Variants in SYNE3 observed in about 807,000 individuals in gnomAD.
SYNE3 encodes spectrin repeat containing nuclear envelope family member 3.
Under a neutral mutation model 111.2 loss-of-function variants are expected in SYNE3, and 100 were observed. The ratio of observed to expected loss-of-function variants is 0.90; its 90% CI spans 0.77 to 1.06. The LOEUF is 1.06. Among genes scored for constraint, SYNE3 ranks in the 50% least tolerant of loss-of-function variants. The pLI is 0.00. For synonymous variants in SYNE3, 547 were observed against 533.9 expected (o/e 1.02, Z -0.34); for missense variants, 1,160 against 1,240.3 (o/e 0.94, Z 0.97).
chr14:95,467,868 C>T lies in SYNE3; in HGVS notation c.244G>A (p.Gly82Arg), dbSNP rs146970314. Residue 82 changes from glycine to arginine, a missense_variant, in exon 3 of 18, where the codon GGG becomes AGG. Gly to Arg is a moderately radical substitution (Grantham distance 125). Transcript: ENST00000682763. ...LACCPGDQKPGILARLKDIKA... is the reference protein window; with the variant it reads ...LACCPGDQKPRILARLKDIKA... ...ATGTCCTTCAGCCGGGCCAGGATCCCGGGCTTCTGGTCCCCAGGGCAGCAT... is the reference window on the plus strand; with the variant it reads ...ATGTCCTTCAGCCGGGCCAGGATCCTGGGCTTCTGGTCCCCAGGGCAGCAT... The T allele has an allele frequency of 3.0e-5, 48 of 1,614,102 alleles. No homozygotes were observed. The highest frequency in any genetic ancestry group is 3.8e-5 in the Non-Finnish European group (45 of 1,180,050).
At chr14:95,420,632 C>T (rs117847255) in intron 17 of SYNE3, among the ~76,000 whole-genome samples, 2,878 of 152,160 alleles carry the variant, frequency 0.019, 53 homozygotes, top group Non-Finnish European at 0.029. Flanking sequence ...GACCTCACGT[C>T]CTCACTTAGA....
chr14:95,441,257 T>C (rs1886399474), intron 11 of SYNE3, among the ~76,000 whole-genome samples: 1 of 152,194 alleles, frequency 6.6e-6, no homozygotes, highest in Non-Finnish European at 1.5e-5. Flanking sequence ...GCTGCCTCTG[T>C]CCTCAGTGAG....
rs1052398820 is a variant in SYNE3, at chr14:95,453,889, T to C, written c.1137+1488A>G. Among the ~76,000 whole-genome samples, 38 of 152,222 alleles carry C rather than the reference T, an allele frequency of 2.5e-4. 1 individual carries two copies. Among genetic ancestry groups the C allele is most frequent in the African/African-American group, 9.2e-4 (38 of 41,456 alleles). On this transcript the variant is annotated intron_variant, in intron 6 of 17. Coordinates refer to ENST00000682763, the MANE Select transcript of SYNE3 (RefSeq NM_152592.6). ...AAGCATGACCTTTTTCTAGGCTCAG[T>C]TCCCTCCTTGTAAAATAAGACCACA...
intron 4 of SYNE3, among the ~76,000 whole-genome samples, chr14:95,459,746 C>G (rs142108259): frequency 6.6e-6 from 1 of 152,200 alleles, no homozygotes; most frequent in Non-Finnish European, 1.5e-5. Flanking sequence ...GAAAACATCC[C>G]GATTTTAGAA....
intron 11 of SYNE3, among the ~76,000 whole-genome samples, chr14:95,440,654 G>C (rs745751437): frequency 1.3e-5 from 2 of 152,240 alleles, no homozygotes; most frequent in African/African-American, 2.4e-5. Flanking sequence ...CCATCATCTG[G>C]AGAGCTAAAG....
rs1388201106 is a variant in SYNE3 at position 95,439,177 on chromosome 14, T to A, written c.2247-15A>T. The A allele has an allele frequency of 6.2e-7, 1 of 1,613,924 alleles. No homozygotes were observed. The highest frequency in any genetic ancestry group is 8.5e-7 in the Non-Finnish European group (1 of 1,179,976). On this transcript the variant is annotated splice_polypyrimidine_tract_variant and intron_variant, in intron 13 of 17. Coordinates refer to ENST00000682763, the MANE Select transcript of SYNE3 (RefSeq NM_152592.6). Reference sequence around the variant, plus strand: ...TTCTGATGAGGCTGAGAAGACAAACTCAGCCCAGTCAATGCAGAGATGTGG... The same window carrying A: ...TTCTGATGAGGCTGAGAAGACAAACACAGCCCAGTCAATGCAGAGATGTGG...
In SYNE3 at chr14:95,436,906, G is replaced by A. The variant is rs1170556868; in HGVS notation, c.2452C>T (p.Gln818Ter). Residue 818 changes from glutamine to a stop codon, truncating the protein, a stop_gained, in exon 15 of 18, where the codon CAG (glutamine) becomes TAG (stop). Transcript: ENST00000682763. LOFTEE classifies it high-confidence loss of function. The stretch of plus-strand genomic sequence containing the variant: ...CTAACCAGCTTGGAGTTTTCCACCT[G>A]CAACCACTGCCCAAAGTTCCTCAGG... The part of the protein sequence containing the change: ...QLLRNFGQWL[Q>*]VENSKLVRII... 6.2e-7 allele frequency: 1 copy of A among 1,614,178 alleles called. No homozygotes were observed. The highest frequency in any genetic ancestry group is 2.2e-5 in the East Asian group (1 of 44,876).
chr14:95,467,776 A>G lies in SYNE3; in HGVS notation c.317+19T>C, dbSNP rs766464223. 3.1e-6 allele frequency: 5 copies of G among 1,613,606 alleles called. No homozygotes were observed. The highest frequency in any genetic ancestry group is 1.7e-6 in the Non-Finnish European group (2 of 1,179,842). ...GGAGGGTAAATGGCAGCTGTGGACA[A>G]AGGCCCTGGATGCCCTACCTGTGAC... On this transcript the variant is annotated intron_variant, in intron 3 of 17. Transcript: ENST00000682763.
chr14:95,466,287 C>T (rs1289225543), intron 3 of SYNE3, 47 bp from the exon 4 acceptor site: 4 of 1,523,960 alleles, frequency 2.6e-6, no homozygotes, highest in Non-Finnish European at 3.5e-6. Flanking sequence ...AGCCACCTGC[C>T]TCCTGGGTCG....
intron 11 of SYNE3, among the ~76,000 whole-genome samples, chr14:95,442,263 C>T (rs1167863091): frequency 6.6e-6 from 1 of 152,206 alleles, no homozygotes; most frequent in Admixed American, 6.5e-5. Context: ...CACGTTCTGA[C>T]CACCTCCTTA....
Position 95,446,058 on chromosome 14 carries a change from G to A in SYNE3, c.1483C>T (p.Leu495=). Residue 495 remains leucine (L), a synonymous_variant, in exon 9 of 18, where the codon CTG becomes TTG. Coordinates refer to ENST00000682763, the MANE Select transcript of SYNE3 (RefSeq NM_152592.6). Reference sequence around the variant, plus strand: ...TTCTTCAGCTGCAGCATCGTCAGCAGCTCTTTCAGGCGGGAGCTTTCCATC... The same window carrying A: ...TTCTTCAGCTGCAGCATCGTCAGCAACTCTTTCAGGCGGGAGCTTTCCATC... ...ALMESSRLKE[L]LTMLQLKKDL... is the part of the protein sequence containing the mutation. 5 of 1,614,112 alleles carry A rather than the reference G, an allele frequency of 3.1e-6. No homozygotes were observed. The highest frequency in any genetic ancestry group is 4.2e-6 in the Non-Finnish European group (5 of 1,180,024).
intron 3 of SYNE3, among the ~76,000 whole-genome samples, chr14:95,467,321 G>A (rs1184078829): frequency 6.6e-6 from 1 of 152,118 alleles, no homozygotes; most frequent in Admixed American, 6.5e-5. Flanking sequence ...CCATTGTCCA[G>A]AGAGGTGCTT....
chr14:95,443,568 A>G, intron 10 of SYNE3: 1 of 383,350 alleles, frequency 2.6e-6, no homozygotes, highest in Non-Finnish European at 4.6e-6. Flanking sequence ...ACAAACTCAC[A>G]TTGGGACTCA....
At chr14:95,489,459 C>T (rs1252907452) in intron 1 of SYNE3, among the ~76,000 whole-genome samples, 3 of 152,236 alleles carry the variant, frequency 2.0e-5, no homozygotes, top group Non-Finnish European at 2.9e-5. Context: ...ACATAAACTG[C>T]CTCTGGGCAC....
chr14:95,459,666 T>C (rs1887670804), intron 4 of SYNE3, among the ~76,000 whole-genome samples: 1 of 152,140 alleles, frequency 6.6e-6, no homozygotes, highest in African/African-American at 2.4e-5. Context: ...TTTTTCTTCT[T>C]TGGGAAGCTC....
rs1566675680 is a variant in SYNE3, at chr14:95,470,994, A to AG, written c.145-3028_145-3027insC. ...CACGCCGTCTCAGGAAAAAAAAAAA[A>AG]AGAAAGTAAGATGATATTTCTGATT... On this transcript the variant is annotated intron_variant, in intron 2 of 17. Coordinates refer to ENST00000682763, the MANE Select transcript of SYNE3 (RefSeq NM_152592.6). This position sits in a 1 kb window ranked among gnomAD's most constrained non-coding sequence, Gnocchi z 4.2. Among the ~76,000 whole-genome samples the AG allele has an allele frequency of 6.8e-6, 1 of 147,076 alleles. No individual in the cohort carries two copies. The highest frequency in any genetic ancestry group is 2.5e-5 in the African/African-American group (1 of 40,606).
Position 95,438,654 on chromosome 14 carries a change from T to C in SYNE3, c.2376+379A>G, listed in dbSNP as rs145127232. ...GAGGCAGTAAGGGATGGATGAAACA[T>C]GGCAGAAAAGTTTTCCCATCTTGTA... On this transcript the variant is annotated intron_variant, in intron 14 of 17. Transcript: ENST00000682763. 1.1e-4 allele frequency: 22 copies of C among 196,798 alleles called. 1 individual carries two copies. The highest frequency in any genetic ancestry group is 4.6e-4 in the African/African-American group (20 of 43,938). 12.2% of individuals were successfully genotyped at this position (196,798 alleles called of 1,614,324 possible).
rs918305353 is a variant in SYNE3, at chr14:95,435,009, C to G, written c.2539-1600G>C. Among the ~76,000 whole-genome samples the G allele has an allele frequency of 3.9e-5, 6 of 152,170 alleles. No homozygotes were observed. In the East Asian group the frequency reaches 1.2e-3, roughly 29 times the overall value. On this transcript the variant is annotated intron_variant, in intron 15 of 17. Transcript: ENST00000682763. ...ATTTTGGCAAACACAATGTCTAGCA[C>G]ACAAAGCAGCCACATGAAGACACAA...
rs940398962 is a variant in SYNE3, at chr14:95,415,331, G to A, written c.*2495C>T. ...CTGACTTCCAGGACTGGACATCTGG[G>A]CTTGGCTGCCTGGGCTCACTCAGCT... On this transcript the variant is annotated 3_prime_UTR_variant, in exon 18 of 18. Transcript: ENST00000682763. 7.6e-6 allele frequency: 1 copy of A among 130,936 alleles called. No homozygotes were observed. The highest frequency in any genetic ancestry group is 1.5e-5 in the Non-Finnish European group (1 of 64,876). The allele number at this position is 130,936 out of a possible 1,614,324, so 8.1% of individuals were successfully genotyped here. A position where few individuals can be genotyped will look rare whatever the true frequency, so the allele number is the denominator to read the frequency against.
Sources: allele counts gnomAD v4.1 joint callset (sites outside exome capture counted in the v4.1 genomes callset), GRCh38; gene constraint gnomAD v4.1.1; non-coding constraint Gnocchi (gnomAD v3.1); transcripts MANE v1.5; gene names NCBI Gene and HGNC (gene_info 2026-07-23, HGNC 2026-07-21).